SETD3: variants seen among roughly 807,000 people sequenced by gnomAD.
SETD3 encodes actin-histidine N-methyltransferase.
SETD3 carries 19 observed loss-of-function variants against 63.0 expected under a neutral mutation model. That is an observed-to-expected ratio of 0.30 (90% CI 0.21 to 0.44). The LOEUF (loss-of-function observed/expected upper bound fraction) is 0.44, where lower values mean the gene tolerates loss of function less well. Ranked by LOEUF, SETD3 falls within the 20% of genes least tolerant of loss-of-function variation. The pLI, the probability that SETD3 is intolerant of heterozygous loss-of-function variation, is 1.00. For synonymous variants in SETD3, 286 were observed against 264.1 expected, an observed-to-expected ratio of 1.08 and a Z score of -0.80; for missense variants, 587 against 728.5, an observed-to-expected ratio of 0.81 and a Z score of 2.24.
At chr14:99,433,329 C>A (rs892668194) in intron 6 of SETD3, among the ~76,000 whole-genome samples, 1 of 152,104 alleles carries the variant, frequency 6.6e-6, no homozygotes, top group Non-Finnish European at 1.5e-5. Flanking sequence ...AAAATACACA[C>A]TGGATTTCCA....
intron 6 of SETD3, among the ~76,000 whole-genome samples, chr14:99,450,709 C>A (rs1352349303): frequency 6.6e-6 from 1 of 152,212 alleles, no homozygotes; most frequent in Admixed American, 6.5e-5. Context: ...ATCTCCATAC[C>A]TTCCCCTGCA....
Position 99,465,626 on chromosome 14 carries a change from C to T in SETD3, c.103+77G>A, listed in dbSNP as rs114969504. The T allele has an allele frequency of 5.2e-5, 60 of 1,145,494 alleles. No individual in the cohort carries two copies. In the African/African-American group the frequency reaches 7.7e-4, roughly 15 times the overall value. 71.0% of individuals were successfully genotyped at this position (1,145,494 alleles called of 1,614,324 possible). ...TGAATACCAGCTTGTCTGATGCACG[C>T]GTCCCCATTCTGGTGACAAAGAAGA... On this transcript the variant is annotated intron_variant, in intron 2 of 12. Coordinates refer to ENST00000331768, the MANE Select transcript of SETD3 (RefSeq NM_032233.3).
At chr14:99,435,551 T>C (rs1278115215) in intron 6 of SETD3, among the ~76,000 whole-genome samples, 1 of 152,196 alleles carries the variant, frequency 6.6e-6, no homozygotes. Flanking sequence ...AGGACTATCC[T>C]GGGCCATCAA....
In SETD3 at chr14:99,398,674, T is replaced by A. The variant is rs1447516169; in HGVS notation, c.*5A>T. The A allele has an allele frequency of 6.2e-7, 1 of 1,610,644 alleles. No homozygotes were observed. Reference sequence around the variant, plus strand: ...ACTGGATCCCCCATCCAGCTTCACCTCGAGCTACTCCTTAACTCCAGCAGT... The same window carrying A: ...ACTGGATCCCCCATCCAGCTTCACCACGAGCTACTCCTTAACTCCAGCAGT... On this transcript the variant is annotated 3_prime_UTR_variant, in exon 13 of 13. Coordinates refer to ENST00000331768, the MANE Select transcript of SETD3 (RefSeq NM_032233.3).
intron 6 of SETD3, among the ~76,000 whole-genome samples, chr14:99,441,704 G>A (rs1162049624): frequency 6.6e-6 from 1 of 152,224 alleles, no homozygotes. Flanking sequence ...CCACCAGAGG[G>A]AGTGGACTGC....
At chr14:99,454,919 A>T (rs1176796517) in intron 6 of SETD3, among the ~76,000 whole-genome samples, 1 of 152,244 alleles carries the variant, frequency 6.6e-6, no homozygotes, top group Non-Finnish European at 1.5e-5. Context: ...CTATGGCACC[A>T]GGCTAGTTGC....
intron 6 of SETD3, among the ~76,000 whole-genome samples, chr14:99,443,116 C>CATTTT (rs1462533904): frequency 5.9e-5 from 9 of 152,170 alleles, no homozygotes; most frequent in Admixed American, 4.6e-4. Context: ...GACGTGAACA[C>CATTTT]ATTTTATAAG....
intron 6 of SETD3, among the ~76,000 whole-genome samples, chr14:99,453,821 A>G (rs1295681097): frequency 2.0e-5 from 3 of 151,890 alleles, no homozygotes; most frequent in Non-Finnish European, 4.4e-5. Flanking sequence ...GCAAGTCTCC[A>G]CCTCAAGAAA....
intron 1 of SETD3, among the ~76,000 whole-genome samples, chr14:99,471,969 G>T (rs1163888205): frequency 6.6e-6 from 1 of 152,164 alleles, no homozygotes. Flanking sequence ...AGAGGGCTGT[G>T]ACTTGGCCAA....
intron 6 of SETD3, among the ~76,000 whole-genome samples, chr14:99,449,759 C>T (rs1360814265): frequency 6.6e-6 from 1 of 152,226 alleles, no homozygotes; most frequent in Non-Finnish European, 1.5e-5. Flanking sequence ...CGGTTGACTT[C>T]CTGGTTTAGA....
intron 1 of SETD3, among the ~76,000 whole-genome samples, chr14:99,478,386 G>A (rs1896082074): frequency 6.6e-6 from 1 of 152,106 alleles, no homozygotes. Flanking sequence ...CAGCAGCCAG[G>A]GAACAGGCAA....
intron 6 of SETD3, among the ~76,000 whole-genome samples, chr14:99,415,985 A>T (rs1892270920): frequency 6.6e-6 from 1 of 152,216 alleles, no homozygotes; most frequent in East Asian, 1.9e-4. Flanking sequence ...GGCTTATCAA[A>T]AACAGCTACT....
Position 99,404,328 on chromosome 14 carries a change from C to T in SETD3, c.1092-18G>A. ...CACTGGAACTGATAAAAGCAGAAAGCAAGATCAGTCACCCTGCTGCGGTTA... is the reference window on the plus strand; with the variant it reads ...CACTGGAACTGATAAAAGCAGAAAGTAAGATCAGTCACCCTGCTGCGGTTA... On this transcript the variant is annotated intron_variant, in intron 10 of 12. Coordinates refer to ENST00000331768, the MANE Select transcript of SETD3 (RefSeq NM_032233.3). The T allele has an allele frequency of 6.2e-7, 1 of 1,610,498 alleles. No homozygotes were observed. The highest frequency in any genetic ancestry group is 1.7e-4 in the Middle Eastern group (1 of 6,058).
chr14:99,443,255 A>ATTTTTTTT (rs996583091), intron 6 of SETD3, among the ~76,000 whole-genome samples: 5 of 108,756 alleles, frequency 4.6e-5, no homozygotes, highest in African/African-American at 7.8e-5. Context: ...CTGAACTCCC[A>ATTTTTTTT]TTTTTTTTTT....
In SETD3 at chr14:99,403,023, T is replaced by C. The variant is rs148389526; in HGVS notation, c.1177+1202A>G. Among the ~76,000 whole-genome samples the C allele has an allele frequency of 2.6e-5, 4 of 152,336 alleles. No homozygotes were observed. In the East Asian group the frequency reaches 7.7e-4, roughly 29 times the overall value. On this transcript the variant is annotated intron_variant, in intron 11 of 12. Transcript: ENST00000331768. ...TCATTACATTGAATTGATGAACCAT[T>C]ACCCAAGTACAAAAAGCACCAAAAG... is the stretch of plus-strand genomic sequence containing the variant.
chr14:99,471,778 A>T (rs1895720071), intron 1 of SETD3, among the ~76,000 whole-genome samples: 1 of 152,240 alleles, frequency 6.6e-6, no homozygotes, highest in South Asian at 2.1e-4. Context: ...GTCTTTAGAA[A>T]GCAATAAAGC....
chr14:99,476,706 G>A (rs1368623718), intron 1 of SETD3, among the ~76,000 whole-genome samples: 6 of 152,170 alleles, frequency 3.9e-5, no homozygotes, highest in African/African-American at 1.4e-4. Context: ...ATATTGAAAA[G>A]GCATGTCTAT....
Position 99,418,258 on chromosome 14 carries a change from A to T in SETD3, c.676-4324T>A, listed in dbSNP as rs1566691677. Among the ~76,000 whole-genome samples, 4 of 152,088 alleles carry T rather than the reference A, an allele frequency of 2.6e-5. No homozygotes were observed. The South Asian group carries it at 8.3e-4, about 31-fold the overall frequency. On this transcript the variant is annotated intron_variant, in intron 6 of 12. Coordinates refer to ENST00000331768, the MANE Select transcript of SETD3 (RefSeq NM_032233.3). Reference sequence around the variant, plus strand: ...GAAGTTGCACCTAGCTTGTTCTGATAAAAAAACCATAATGCCATGCAATTA... The same window carrying T: ...GAAGTTGCACCTAGCTTGTTCTGATTAAAAAACCATAATGCCATGCAATTA...
chr14:99,422,363 C>T (rs890023091), intron 6 of SETD3, among the ~76,000 whole-genome samples: 2 of 152,194 alleles, frequency 1.3e-5, no homozygotes, highest in Non-Finnish European at 2.9e-5. Flanking sequence ...AATCATTAAA[C>T]CACTATATCA....
Sources: allele counts gnomAD v4.1 joint callset (sites outside exome capture counted in the v4.1 genomes callset), GRCh38; gene constraint gnomAD v4.1.1; transcripts MANE v1.5; gene names NCBI Gene and HGNC (gene_info 2026-07-23, HGNC 2026-07-21).